The following IL3RA variants were observed in gnomAD, a reference collection of about 807,000 sequenced individuals.
IL3RA encodes interleukin 3 receptor subunit alpha.
IL3RA carries 73 observed loss-of-function variants against 52.3 expected under a neutral mutation model. That is an observed-to-expected ratio of 1.40 (90% CI 1.16 to 1.70). IL3RA has a LOEUF of 1.70. Among genes scored for constraint, IL3RA ranks in the 40% most tolerant of loss-of-function variants. The pLI is 0.00. For synonymous variants in IL3RA, 260 were observed against 194.0 expected (o/e 1.34, Z -2.83); for missense variants, 664 against 504.4 (o/e 1.32, Z -3.03).
intron 11 of IL3RA, 58 bp from the exon 12 acceptor site, chrX:1,382,333 C>A (rs368853313): frequency 7.5e-7 from 1 of 1,338,806 alleles, no homozygotes; most frequent in Non-Finnish European, 1.1e-6. Flanking sequence ...CAGATCAGGA[C>A]GTGGGCTCTG....
At chrX:1,339,134 C>T (rs763058831) in intron 1 of IL3RA, among the ~76,000 whole-genome samples, 1,653 of 152,186 alleles carry the variant, frequency 0.011, 37 homozygotes, top group African/African-American at 0.038. Context: ...GCCACCGCGC[C>T]TGGCCAATGA....
At chrX:1,348,068 C>A (rs28618208) in intron 3 of IL3RA, among the ~76,000 whole-genome samples, 2 of 143,026 alleles carry the variant, frequency 1.4e-5, no homozygotes, top group Non-Finnish European at 3.0e-5. Context: ...AAGTCTTGGC[C>A]GGGCACGGTG....
chrX:1,343,534 C>G (rs2085577221), intron 2 of IL3RA, among the ~76,000 whole-genome samples: 1 of 150,624 alleles, frequency 6.6e-6, no homozygotes, highest in Non-Finnish European at 1.5e-5. Flanking sequence ...GGGCGCGGTG[C>G]TGTGCACCTG....
chrX:1,364,420 G>C (rs1157650895), intron 8 of IL3RA, among the ~76,000 whole-genome samples: 1 of 151,548 alleles, frequency 6.6e-6, no homozygotes, highest in Middle Eastern at 3.2e-3. Flanking sequence ...GAATCTGGGA[G>C]GCGGAGGTTG....
intron 6 of IL3RA, 89 bp from the exon 7 acceptor site, chrX:1,356,132 T>C: frequency 1.2e-6 from 1 of 836,098 alleles, no homozygotes; most frequent in Non-Finnish European, 2.0e-6. Context: ...GAGAAGTAAT[T>C]TGAAGTATCT....
intron 9 of IL3RA, among the ~76,000 whole-genome samples, chrX:1,370,264 A>G (rs2088500523): frequency 3.4e-5 from 1 of 29,382 alleles, no homozygotes; most frequent in Non-Finnish European, 5.1e-5. Flanking sequence ...CTGTGACAGC[A>G]GCCTGAGATG....
chrX:1,381,732 C>T (rs1461907895), intron 11 of IL3RA, among the ~76,000 whole-genome samples: 5 of 147,142 alleles, frequency 3.4e-5, no homozygotes, highest in Non-Finnish European at 7.5e-5. Flanking sequence ...TTAGTAGAGA[C>T]GGGGTTTCAC....
chrX:1,343,510 CA>C (rs68036403), intron 2 of IL3RA, among the ~76,000 whole-genome samples: 56,027 of 150,370 alleles, frequency 0.37, 16,865 homozygotes, highest in African/African-American at 0.84. Flanking sequence ...ACTAAAAATA[CA>C]AAAAAATTAG....
chrX:1,361,685 A>G lies in IL3RA; in HGVS notation c.759+2798A>G, dbSNP rs189797791. ...GGAGAATCGCTTGAACCCGGGAGGCAGAGGTTGCAGTGAGTTGAGATCGCG... is the reference window on the plus strand; with the variant it reads ...GGAGAATCGCTTGAACCCGGGAGGCGGAGGTTGCAGTGAGTTGAGATCGCG... On this transcript the variant is annotated intron_variant, in intron 8 of 11. Coordinates refer to ENST00000331035, the MANE Select transcript of IL3RA (RefSeq NM_002183.4). 1.3e-3 allele frequency among the ~76,000 whole-genome samples: 191 copies of G among 147,794 alleles called. 1 individual carries two copies. Among genetic ancestry groups the G allele is most frequent in the South Asian group, 3.7e-3 (17 of 4,548 alleles).
At chrX:1,350,214 G>T (rs1278495250) in intron 4 of IL3RA, among the ~76,000 whole-genome samples, 1 of 151,814 alleles carries the variant, frequency 6.6e-6, no homozygotes, top group Non-Finnish European at 1.5e-5. Context: ...CAGCACTTTG[G>T]GAGGCCGAGG....
intron 9 of IL3RA, among the ~76,000 whole-genome samples, chrX:1,378,052 G>T (rs1452749628): frequency 6.6e-6 from 1 of 151,014 alleles, no homozygotes; most frequent in Non-Finnish European, 1.5e-5. Context: ...CGGGCGTGGT[G>T]GCGGGCGCCT....
At chrX:1,352,748 G>T (rs1404541476) in intron 6 of IL3RA, among the ~76,000 whole-genome samples, 1 of 152,140 alleles carries the variant, frequency 6.6e-6, no homozygotes, top group African/African-American at 2.4e-5. Context: ...AGAGAGAGAT[G>T]AAGTTCTGGG....
intron 8 of IL3RA, among the ~76,000 whole-genome samples, chrX:1,359,192 G>T (rs2149052794): frequency 6.6e-6 from 1 of 152,028 alleles, no homozygotes; most frequent in South Asian, 2.1e-4. Context: ...CTGGCCAGGT[G>T]CTGTCCAAAC....
chrX:1,343,321 A>C (rs1325888167), intron 2 of IL3RA, among the ~76,000 whole-genome samples: 1 of 152,016 alleles, frequency 6.6e-6, no homozygotes, highest in Non-Finnish European at 1.5e-5. Flanking sequence ...CTAGAGAAAT[A>C]GTTGATGTAT....
intron 8 of IL3RA, among the ~76,000 whole-genome samples, chrX:1,362,799 A>T (rs1278600480): frequency 1.3e-5 from 2 of 150,918 alleles, no homozygotes; most frequent in Non-Finnish European, 2.9e-5. Flanking sequence ...ATTTTGAGAC[A>T]GAGTCTCGCT....
chrX:1,381,504 C>A (rs2089175938), intron 11 of IL3RA, among the ~76,000 whole-genome samples: 1 of 151,662 alleles, frequency 6.6e-6, no homozygotes, highest in African/African-American at 2.4e-5. Flanking sequence ...TGATCACGGG[C>A]CGTCTCCGCA....
At chrX:1,342,877 C>G (rs1160960414) in intron 2 of IL3RA, among the ~76,000 whole-genome samples, 2 of 151,530 alleles carry the variant, frequency 1.3e-5, no homozygotes, top group African/African-American at 4.8e-5. Flanking sequence ...GAGTTCGTGA[C>G]CAGCCTGACT....
rs780433083 is a variant in IL3RA, at chrX:1,348,473, T to C, written c.226T>C (p.Cys76Arg). The change falls in exon 4 of 12, where the codon TGT becomes CGT. Residue 76 changes from cysteine (C) to arginine (R), a missense_variant. Physicochemically the swap from Cys to Arg is radical, Grantham distance 180. Transcript: ENST00000331035. ...TTGCCAGTTTGGAGCAATTTCCTTATGTGAAGTGACCAACTACACCGTCCG... is the reference window on the plus strand; with the variant it reads ...TTGCCAGTTTGGAGCAATTTCCTTACGTGAAGTGACCAACTACACCGTCCG... ...SYCQFGAISL[C>R]EVTNYTVRVA... The C allele has an allele frequency of 9.3e-6, 15 of 1,613,802 alleles. No homozygotes were observed. The highest frequency in any genetic ancestry group is 1.3e-5 in the Non-Finnish European group (15 of 1,179,858).
chrX:1,348,646 C>CTT (rs1418074758), intron 4 of IL3RA, 101 bp downstream of exon 4: 1 of 282,064 alleles, frequency 3.5e-6, no homozygotes, highest in Non-Finnish European at 6.0e-6. Flanking sequence ...TTCTTTTTCT[C>CTT]TTTCTTTCTT....
Sources: gnomAD v4.1 joint callset for allele counts (sites outside exome capture counted in the v4.1 genomes callset) on GRCh38, gnomAD v4.1.1 for gene constraint, MANE v1.5 for transcripts, NCBI Gene and HGNC (gene_info 2026-07-23, HGNC 2026-07-21) for gene names.